Variants in ROBO2 observed in about 807,000 individuals in gnomAD.
ROBO2 encodes roundabout homolog 2.
ROBO2 carries 53 observed loss-of-function variants against 160.8 expected under a neutral mutation model. The observed-to-expected ratio is 0.33, with a 90% CI of 0.26 to 0.41. The LOEUF is 0.41. Ranked by LOEUF, ROBO2 falls within the 10% of genes least tolerant of loss-of-function variation. The probability of loss-of-function intolerance (pLI) is 1.00; values close to 1 mark genes in which losing one functional copy is unlikely to be tolerated. For synonymous variants in ROBO2, 664 were observed against 611.7 expected, an observed-to-expected ratio of 1.09 and a Z score of -1.26; for missense variants, 1,577 against 1,722.4, an observed-to-expected ratio of 0.92 and a Z score of 1.49.
intron 2 of ROBO2, among the ~76,000 whole-genome samples, chr3:76,075,509 A>G (rs1051967235): frequency 2.0e-5 from 3 of 147,760 alleles, no homozygotes; most frequent in Non-Finnish European, 4.4e-5. Flanking sequence ...TTTCCATATA[A>G]CAAGTGTCAA....
intron 2 of ROBO2, among the ~76,000 whole-genome samples, chr3:77,115,048 A>G (rs1174868779): frequency 6.6e-6 from 1 of 152,078 alleles, no homozygotes; most frequent in Admixed American, 6.6e-5. Flanking sequence ...TCCTGGTTAT[A>G]TGTAACATCT....
intron 2 of ROBO2, among the ~76,000 whole-genome samples, chr3:76,560,469 A>C (rs2084096884): frequency 6.6e-6 from 1 of 152,032 alleles, no homozygotes; most frequent in Admixed American, 6.6e-5. Flanking sequence ...GGATGTAAGC[A>C]GCTCAGCACA....
chr3:77,382,208 A>G (rs917030033), intron 2 of ROBO2, among the ~76,000 whole-genome samples: 1 of 152,188 alleles, frequency 6.6e-6, no homozygotes, highest in Non-Finnish European at 1.5e-5. Flanking sequence ...TGAACCGGAA[A>G]TGGATAGAAA....
chr3:76,603,763 C>G (rs6793539), intron 2 of ROBO2, among the ~76,000 whole-genome samples: 25,656 of 151,904 alleles, frequency 0.17, 2,839 homozygotes, highest in African/African-American at 0.29. Flanking sequence ...AGAGGAATAA[C>G]AGTCTCTGTC....
At chr3:76,581,970 T>A (rs900189547) in intron 2 of ROBO2, among the ~76,000 whole-genome samples, 1 of 152,148 alleles carries the variant, frequency 6.6e-6, no homozygotes, top group Non-Finnish European at 1.5e-5. Context: ...TGGCCTGAAG[T>A]AGGCTGGTAG....
At chr3:77,252,103 A>G (rs1001653008) in intron 2 of ROBO2, among the ~76,000 whole-genome samples, 9 of 152,334 alleles carry the variant, frequency 5.9e-5, no homozygotes, top group East Asian at 3.9e-4. Context: ...TGCTACTTAG[A>G]TATTTCCTCA....
intron 2 of ROBO2, among the ~76,000 whole-genome samples, chr3:76,010,304 A>T (rs2066157224): frequency 6.6e-6 from 1 of 152,232 alleles, no homozygotes; most frequent in African/African-American, 2.4e-5. Context: ...CCTGCTGTGT[A>T]TATGCAGCAA....
chr3:76,793,859 G>C (rs2063521030), intron 2 of ROBO2, among the ~76,000 whole-genome samples: 1 of 151,840 alleles, frequency 6.6e-6, no homozygotes, highest in African/African-American at 2.4e-5. Context: ...GTAATATGTA[G>C]TGTTCTAATT....
chr3:76,176,452 A>G (rs1382264916), intron 2 of ROBO2, among the ~76,000 whole-genome samples: 1 of 152,192 alleles, frequency 6.6e-6, no homozygotes, highest in Non-Finnish European at 1.5e-5. Flanking sequence ...ACAGTAGCAC[A>G]TGATAAACTT....
chr3:77,038,997 C>A (rs1427756959), upstream of ROBO2, among the ~76,000 whole-genome samples: 1 of 152,154 alleles, frequency 6.6e-6, no homozygotes, highest in African/African-American at 2.4e-5. Context: ...CCCGCTTCCC[C>A]GTCCTTAGCA....
intron 2 of ROBO2, among the ~76,000 whole-genome samples, chr3:76,705,714 C>T (rs763814214): frequency 7.2e-5 from 11 of 152,134 alleles, no homozygotes; most frequent in Non-Finnish European, 4.4e-5. Context: ...TACTTAAACA[C>T]ACTTCCAGAA....
intron 2 of ROBO2, among the ~76,000 whole-genome samples, chr3:77,426,102 A>G (rs769572539): frequency 5.3e-5 from 8 of 152,152 alleles, no homozygotes; most frequent in Non-Finnish European, 1.2e-4. Flanking sequence ...ACGAAGCAGG[A>G]ATGTCACGTT....
intron 2 of ROBO2, among the ~76,000 whole-genome samples, chr3:77,404,593 A>G (rs1302898823): frequency 1.3e-5 from 2 of 152,202 alleles, no homozygotes; most frequent in Admixed American, 1.3e-4. Context: ...CTGAAATATG[A>G]AAGAAGGAAA....
intron 2 of ROBO2, among the ~76,000 whole-genome samples, chr3:76,834,597 A>G (rs2067506021): frequency 6.6e-6 from 1 of 151,996 alleles, no homozygotes; most frequent in African/African-American, 2.4e-5. Context: ...GTCTCAAGCT[A>G]CTGACCTCAA....
chr3:76,840,865 C>T (rs2068188990), intron 2 of ROBO2, among the ~76,000 whole-genome samples: 1 of 151,834 alleles, frequency 6.6e-6, no homozygotes, highest in Non-Finnish European at 1.5e-5. Flanking sequence ...TGTTTGAAAA[C>T]CCTCCAATTG....
At chr3:77,072,296 C>A (rs1024839020) in intron 1 of ROBO2, among the ~76,000 whole-genome samples, 2 of 152,078 alleles carry the variant, frequency 1.3e-5, no homozygotes, top group African/African-American at 4.8e-5. Context: ...ATACTTATTT[C>A]ATTATATATT....
At chr3:77,226,179 C>A (rs1369240787) in intron 2 of ROBO2, among the ~76,000 whole-genome samples, 1 of 151,656 alleles carries the variant, frequency 6.6e-6, no homozygotes, top group Non-Finnish European at 1.5e-5. Flanking sequence ...AAGTTTTGAC[C>A]AAGAAAATTA....
At chr3:76,073,906 C>T (rs2107980376) in intron 2 of ROBO2, among the ~76,000 whole-genome samples, 2 of 151,992 alleles carry the variant, frequency 1.3e-5, no homozygotes, top group East Asian at 3.9e-4. Flanking sequence ...GCTTGCCCTC[C>T]AATATGGTGT....
At chr3:76,950,393 G>T (rs962626338) in intron 2 of ROBO2, among the ~76,000 whole-genome samples, 1 of 152,126 alleles carries the variant, frequency 6.6e-6, no homozygotes, top group Non-Finnish European at 1.5e-5. Flanking sequence ...AATTCAGATG[G>T]AGTGACACAC....
Sources: gnomAD v4.1 joint callset for allele counts (sites outside exome capture counted in the v4.1 genomes callset) on GRCh38, gnomAD v4.1.1 for gene constraint, MANE v1.5 for transcripts, NCBI Gene and HGNC (gene_info 2026-07-23, HGNC 2026-07-21) for gene names.